The following IL1RAPL1 variants were observed in gnomAD, a reference collection of about 807,000 sequenced individuals.
IL1RAPL1 encodes the protein interleukin 1 receptor accessory protein like 1.
A neutral mutation model predicts 48.4 loss-of-function variants in IL1RAPL1; 3 were observed. The observed-to-expected ratio is 0.06, with a 90% CI of 0.03 to 0.16. IL1RAPL1 has a LOEUF of 0.16. IL1RAPL1 is among the 10% of genes least tolerant of loss of function. IL1RAPL1 has a pLI of 1.00. For missense variants in IL1RAPL1, 349 were observed against 530.6 expected (o/e 0.66, Z 3.36); for synonymous variants, 185 against 187.7 (o/e 0.99, Z 0.12).
intron 6 of IL1RAPL1, among the ~76,000 whole-genome samples, chrX:29,691,635 A>G (rs922796177): frequency 3.6e-5 from 4 of 110,386 alleles, no homozygotes; most frequent in African/African-American, 1.3e-4. Context: ...GGAAGTGCTG[A>G]TCATTTGAAT....
chrX:29,139,339 T>C (rs1445644856), intron 2 of IL1RAPL1, among the ~76,000 whole-genome samples: 3 of 95,190 alleles, frequency 3.2e-5, no homozygotes, highest in Non-Finnish European at 6.1e-5. Flanking sequence ...AGAAAAATAA[T>C]GGAAAAGGGT....
intron 1 of IL1RAPL1, among the ~76,000 whole-genome samples, chrX:28,714,316 A>G (rs943804872): frequency 1.8e-5 from 2 of 111,442 alleles, no homozygotes; most frequent in African/African-American, 3.3e-5. Flanking sequence ...AGATACTCCA[A>G]TCTTTTTTCT....
chrX:28,972,509 C>T (rs1440916815), intron 2 of IL1RAPL1, among the ~76,000 whole-genome samples: 1 of 111,155 alleles, frequency 9.0e-6, no homozygotes, highest in South Asian at 3.8e-4. Flanking sequence ...GAGGCTGAGG[C>T]GGGCGGATCA....
At chrX:29,394,513 A>G (rs896141020) in intron 3 of IL1RAPL1, among the ~76,000 whole-genome samples, 1 of 112,281 alleles carries the variant, frequency 8.9e-6, no homozygotes, top group Non-Finnish European at 1.9e-5. Flanking sequence ...TACCTCAGAT[A>G]ACCCTTCTTA....
intron 5 of IL1RAPL1, among the ~76,000 whole-genome samples, chrX:29,627,264 C>T (rs1184766438): frequency 8.9e-6 from 1 of 112,121 alleles, no homozygotes; most frequent in African/African-American, 3.2e-5. Context: ...CGTGAAGGCC[C>T]TATGGCAAAT....
intron 3 of IL1RAPL1, among the ~76,000 whole-genome samples, chrX:29,362,944 T>C (rs764898481): frequency 1.8e-4 from 20 of 111,858 alleles, no homozygotes; most frequent in Non-Finnish European, 3.6e-4. Context: ...TCTCAATCCT[T>C]ATAACAAGTG....
intron 6 of IL1RAPL1, among the ~76,000 whole-genome samples, chrX:29,678,254 G>A (rs1476843495): frequency 9.3e-6 from 1 of 107,368 alleles, no homozygotes; most frequent in Non-Finnish European, 1.9e-5. Flanking sequence ...AATACATAGA[G>A]TGTCCATAAG....
intron 6 of IL1RAPL1, among the ~76,000 whole-genome samples, chrX:29,804,972 G>A (rs1930216618): frequency 9.1e-6 from 1 of 109,327 alleles, no homozygotes; most frequent in African/African-American, 3.3e-5. Context: ...TTAATACTGA[G>A]CATCTACACA....
chrX:29,352,161 A>G (rs1331576946), intron 3 of IL1RAPL1, among the ~76,000 whole-genome samples: 1 of 111,492 alleles, frequency 9.0e-6, no homozygotes, highest in African/African-American at 3.3e-5. Flanking sequence ...CTGGCTGATA[A>G]CTCCAATATT....
chrX:29,507,826 C>G (rs1274374068), intron 5 of IL1RAPL1, among the ~76,000 whole-genome samples: 1 of 111,111 alleles, frequency 9.0e-6, no homozygotes, highest in Non-Finnish European at 1.9e-5. Flanking sequence ...ATTGATAATA[C>G]TTATAATCTT....
chrX:29,005,876 A>G (rs1925965004), intron 2 of IL1RAPL1, among the ~76,000 whole-genome samples: 1 of 112,298 alleles, frequency 8.9e-6, no homozygotes, highest in Non-Finnish European at 1.9e-5. Context: ...ATTTGCTAAT[A>G]TAAAATCTTG....
chrX:29,710,184 T>C (rs1393950780), intron 6 of IL1RAPL1, among the ~76,000 whole-genome samples: 1 of 111,670 alleles, frequency 9.0e-6, no homozygotes, highest in East Asian at 2.8e-4. Flanking sequence ...CCAGGTAGGA[T>C]TTTCAGCATC....
At chrX:29,466,429 G>A (rs1934863391) in intron 5 of IL1RAPL1, among the ~76,000 whole-genome samples, 1 of 112,157 alleles carries the variant, frequency 8.9e-6, no homozygotes, top group African/African-American at 3.2e-5. Context: ...TGTCCCATCA[G>A]TGTTAAATCT....
chrX:29,260,368 C>G (rs1602140276), intron 2 of IL1RAPL1, among the ~76,000 whole-genome samples: 1 of 112,166 alleles, frequency 8.9e-6, no homozygotes, highest in East Asian at 2.8e-4. Context: ...CGCAGTTCCA[C>G]ATGGCTAGGG....
chrX:29,802,976 CATACATGTGTACATATAT>C (rs1930024211), intron 6 of IL1RAPL1, among the ~76,000 whole-genome samples: 1 of 83,430 alleles, frequency 1.2e-5, no homozygotes, highest in Non-Finnish European at 2.2e-5. Context: ...TACATATATA[CATACATGTGTACATATAT>C]ATGTATGCAT....
At chrX:28,653,277 C>A (rs918397118) in intron 1 of IL1RAPL1, among the ~76,000 whole-genome samples, 17 of 111,006 alleles carry the variant, frequency 1.5e-4, no homozygotes, top group African/African-American at 2.3e-4. Context: ...GAGTTGATGA[C>A]CAGCCTGGCC....
At chrX:29,911,012 C>G (rs1450250609) in intron 6 of IL1RAPL1, among the ~76,000 whole-genome samples, 1 of 111,600 alleles carries the variant, frequency 9.0e-6, no homozygotes, top group Non-Finnish European at 1.9e-5. Context: ...AGCAACATCA[C>G]TCCTAGGTAT....
chrX:29,152,796 AG>A (rs771346024), intron 2 of IL1RAPL1, among the ~76,000 whole-genome samples: 3 of 112,527 alleles, frequency 2.7e-5, no homozygotes, highest in African/African-American at 9.7e-5. Context: ...AGGGAATAAT[AG>A]CAATGAATTT....
chrX:29,656,848 T>A (rs1300680389), intron 5 of IL1RAPL1, among the ~76,000 whole-genome samples: 1 of 111,508 alleles, frequency 9.0e-6, no homozygotes, highest in East Asian at 2.8e-4. Flanking sequence ...TGATTTTCAG[T>A]TGTTTGTGTG....
Sources: gnomAD v4.1 joint callset for allele counts (sites outside exome capture counted in the v4.1 genomes callset) on GRCh38, gnomAD v4.1.1 for gene constraint, MANE v1.5 for transcripts, NCBI Gene and HGNC (gene_info 2026-07-23, HGNC 2026-07-21) for gene names.